The following SLC25A13 variants were observed in gnomAD, a reference collection of about 807,000 sequenced individuals.
SLC25A13 encodes electrogenic aspartate/glutamate antiporter SLC25A13, mitochondrial.
Under a neutral mutation model 85.5 loss-of-function variants are expected in SLC25A13, and 70 were observed. The observed-to-expected ratio is 0.82, with a 90% CI of 0.68 to 1.00. The LOEUF is 1.00. SLC25A13 is among the 50% of genes least tolerant of loss of function. The probability of loss-of-function intolerance (pLI) is 0.00; values close to 1 mark genes in which losing one functional copy is unlikely to be tolerated. For synonymous variants in SLC25A13, 259 were observed against 288.7 expected (o/e 0.90, Z 1.04); for missense variants, 765 against 819.8 (o/e 0.93, Z 0.82).
intron 1 of SLC25A13, 35 bp downstream of exon 1, chr7:96,321,907 A>G: frequency 6.6e-7 from 1 of 1,525,574 alleles, no homozygotes. Context: ...CTGATCCGGC[A>G]GGCGCGCTCC....
intron 7 of SLC25A13, among the ~76,000 whole-genome samples, chr7:96,190,291 C>T (rs1265298562): frequency 5.3e-5 from 8 of 151,940 alleles, no homozygotes; most frequent in Non-Finnish European, 8.8e-5. Context: ...CGGGGTTTCA[C>T]CGTGTTAGCC....
chr7:96,160,560 C>A (rs1199499245), intron 13 of SLC25A13, among the ~76,000 whole-genome samples: 1 of 152,194 alleles, frequency 6.6e-6, no homozygotes, highest in Non-Finnish European at 1.5e-5. Context: ...TGTCTTCTCA[C>A]TGTGTCCTCA....
At chr7:96,229,251 C>T (rs1796437632) in intron 4 of SLC25A13, among the ~76,000 whole-genome samples, 1 of 152,180 alleles carries the variant, frequency 6.6e-6, no homozygotes. Flanking sequence ...CTGTATCTAG[C>T]TAATCTGATG....
chr7:96,157,182 C>T (rs2116523177), intron 13 of SLC25A13, among the ~76,000 whole-genome samples: 1 of 152,308 alleles, frequency 6.6e-6, no homozygotes, highest in East Asian at 1.9e-4. Flanking sequence ...CTCAAACGCA[C>T]AGCATTCTAC....
rs1461017195 is a variant in SLC25A13 at position 96,192,913 on chromosome 7, T to C, written c.615+124A>G. On this transcript the variant is annotated intron_variant, in intron 6 of 17. Coordinates refer to ENST00000265631, the MANE Select transcript of SLC25A13 (RefSeq NM_014251.3). The stretch of plus-strand genomic sequence containing the variant: ...CTCTTTGTTTGAGTTTAGTAATGTA[T>C]GTGATCACATTAAAATGTTAGTGTT... 13 of 1,069,826 alleles carry C rather than the reference T, an allele frequency of 1.2e-5. No homozygotes were observed. In the Admixed American group the frequency reaches 1.9e-4, roughly 16 times the overall value. 66.3% of individuals were successfully genotyped at this position (1,069,826 alleles called of 1,614,324 possible). A position where few individuals can be genotyped will look rare whatever the true frequency, so the allele number is the denominator to read the frequency against.
At chr7:96,137,282 T>C (rs1792328556) in intron 14 of SLC25A13, among the ~76,000 whole-genome samples, 2 of 152,228 alleles carry the variant, frequency 1.3e-5, no homozygotes, top group East Asian at 1.9e-4. Context: ...ATTTGAAGAC[T>C]TGATATCAGT....
intron 5 of SLC25A13, among the ~76,000 whole-genome samples, chr7:96,198,775 T>C (rs750729488): frequency 3.3e-5 from 5 of 152,076 alleles, no homozygotes; most frequent in Non-Finnish European, 5.9e-5. Context: ...TTGATGATGA[T>C]TTGAATATAT....
At chr7:96,160,861 A>C (rs1294494567) in intron 13 of SLC25A13, among the ~76,000 whole-genome samples, 2 of 152,178 alleles carry the variant, frequency 1.3e-5, no homozygotes, top group African/African-American at 4.8e-5. Context: ...GTGGAACTCT[A>C]TTCAAGACCA....
intron 11 of SLC25A13, among the ~76,000 whole-genome samples, chr7:96,173,304 T>A (rs1794084407): frequency 6.6e-6 from 1 of 152,198 alleles, no homozygotes; most frequent in Non-Finnish European, 1.5e-5. Context: ...ATGTATTAAC[T>A]CATTTAGTCT....
chr7:96,191,265 C>T lies in SLC25A13; in HGVS notation c.616-18G>A. ...CCAGCAGCCTCAAATAAATTGAAAA[C>T]AAGAGAGAAGAAAAATATACAAAAG... On this transcript the variant is annotated intron_variant, in intron 6 of 17. Coordinates refer to ENST00000265631, the MANE Select transcript of SLC25A13 (RefSeq NM_014251.3). 1.9e-6 allele frequency: 3 copies of T among 1,612,842 alleles called. No individual in the cohort carries two copies. Among genetic ancestry groups the T allele is most frequent in the Non-Finnish European group, 2.5e-6 (3 of 1,179,576 alleles).
intron 4 of SLC25A13, among the ~76,000 whole-genome samples, chr7:96,226,728 C>T (rs1256274750): frequency 6.6e-6 from 1 of 151,970 alleles, no homozygotes; most frequent in African/African-American, 2.4e-5. Flanking sequence ...AGAGAAAAGA[C>T]CTTAAATTTC....
At chr7:96,140,853 T>A (rs1792524297) in intron 14 of SLC25A13, among the ~76,000 whole-genome samples, 1 of 151,588 alleles carries the variant, frequency 6.6e-6, no homozygotes, top group Non-Finnish European at 1.5e-5. Flanking sequence ...ATGTTGAAAA[T>A]TTTTTACATC....
chr7:96,320,801 T>A (rs1268858079), intron 1 of SLC25A13, among the ~76,000 whole-genome samples: 2 of 152,234 alleles, frequency 1.3e-5, no homozygotes, highest in Non-Finnish European at 1.5e-5. Flanking sequence ...ACTTAAGTCA[T>A]AGAACAGCAT....
At chr7:96,271,134 T>A (rs1266491597) in intron 3 of SLC25A13, among the ~76,000 whole-genome samples, 2 of 152,226 alleles carry the variant, frequency 1.3e-5, no homozygotes, top group African/African-American at 4.8e-5. Flanking sequence ...GGATTAGGAA[T>A]AGATCTCTTT....
In SLC25A13 at chr7:96,191,130, T is replaced by G; in HGVS notation, c.733A>C (p.Lys245Gln). 6.2e-7 allele frequency: 1 copy of G among 1,614,140 alleles called. No individual in the cohort carries two copies. The highest frequency in any genetic ancestry group is 1.1e-5 in the South Asian group (1 of 91,082). Residue 245 changes from lysine (K) to glutamine (Q), a missense_variant, in exon 7 of 18, where the codon AAA (lysine) becomes CAA (glutamine). Transcript: ENST00000265631. ...KIYSTLAGTR[K>Q]DVEVTKEEFV... ...TCACCCTTAGTCACTTCAACATCTT[T>G]CCTGGTGCCAGCCAGAGTGCTATAG...
intron 1 of SLC25A13, among the ~76,000 whole-genome samples, chr7:96,297,707 T>C (rs1799398227): frequency 6.6e-6 from 1 of 152,090 alleles, no homozygotes; most frequent in Non-Finnish European, 1.5e-5. Flanking sequence ...CTTCTCACAG[T>C]TTCACCATGA....
intron 3 of SLC25A13, among the ~76,000 whole-genome samples, chr7:96,260,440 AG>A (rs1295995281): frequency 5.9e-5 from 9 of 152,116 alleles, no homozygotes. Flanking sequence ...AATACAAAAA[AG>A]ACCCCAATTC....
chr7:96,282,164 A>G (rs1359036513), intron 2 of SLC25A13, among the ~76,000 whole-genome samples: 1 of 152,146 alleles, frequency 6.6e-6, no homozygotes, highest in African/African-American at 2.4e-5. Flanking sequence ...GAGTTTTAGG[A>G]TTCCTCATGC....
At chr7:96,217,767 G>A (rs1226878952) in intron 4 of SLC25A13, among the ~76,000 whole-genome samples, 3 of 152,104 alleles carry the variant, frequency 2.0e-5, no homozygotes, top group African/African-American at 4.8e-5. Flanking sequence ...GGTGTGGTAC[G>A]AGGTTTCTTG....
Sources: gnomAD v4.1 joint callset for allele counts (sites outside exome capture counted in the v4.1 genomes callset) on GRCh38, gnomAD v4.1.1 for gene constraint, MANE v1.5 for transcripts, NCBI Gene and HGNC (gene_info 2026-07-23, HGNC 2026-07-21) for gene names.